Variants in LRRC34 observed in about 807,000 individuals in gnomAD.
The protein encoded by LRRC34 is leucine rich repeat containing 34, also known as leucine-rich repeat-containing protein 34.
A neutral mutation model predicts 48.5 loss-of-function variants in LRRC34; 44 were observed. That is an observed-to-expected ratio of 0.91 (90% CI 0.71 to 1.17). LRRC34 has a LOEUF of 1.17. LRRC34 is among the 50% of genes most tolerant of loss of function. The pLI, the probability that LRRC34 is intolerant of heterozygous loss-of-function variation, is 0.00. For synonymous variants in LRRC34, 192 were observed against 197.6 expected (o/e 0.97, Z 0.24); for missense variants, 502 against 563.0 (o/e 0.89, Z 1.10).
chr3:169,802,699 G>A lies in LRRC34; in HGVS notation c.657+1354C>T, dbSNP rs1005972806. Among the ~76,000 whole-genome samples the A allele has an allele frequency of 3.9e-5, 6 of 152,186 alleles. 1 individual carries two copies. The South Asian group carries it at 8.3e-4, about 21-fold the overall frequency. On this transcript the variant is annotated intron_variant, in intron 6 of 10. Coordinates refer to ENST00000446859, the MANE Select transcript of LRRC34 (RefSeq NM_001172779.2). ...CTTAAAAAGTTAATCTTGGCCAGGCGCTGTGGCTCACTCCTGTAATCCCAG... is the reference window on the plus strand; with the variant it reads ...CTTAAAAAGTTAATCTTGGCCAGGCACTGTGGCTCACTCCTGTAATCCCAG...
intron 1 of LRRC34, among the ~76,000 whole-genome samples, chr3:169,809,810 T>A (rs1779499684): frequency 6.6e-6 from 1 of 152,228 alleles, no homozygotes; most frequent in African/African-American, 2.4e-5. Context: ...CTCTGAAGAA[T>A]AATGAGTTTG....
rs1417735421 is a variant in LRRC34, at chr3:169,812,487, G to C, written c.62C>G (p.Ala21Gly). 1.3e-6 allele frequency: 2 copies of C among 1,528,252 alleles called. No homozygotes were observed. Among genetic ancestry groups the C allele is most frequent in the South Asian group, 2.4e-5 (2 of 83,422 alleles). The allele number at this position is 1,528,252 out of a possible 1,614,324, so 94.7% of individuals were successfully genotyped here. The change falls in exon 1 of 11, where the codon GCC becomes GGC. Residue 21 changes from alanine (A) to glycine (G), a missense_variant. By Grantham distance (60) the Ala-to-Gly change is moderately conservative. Transcript: ENST00000446859. The surrounding 1 kb of genome is among the most constrained non-coding windows in gnomAD (Gnocchi z 4.3). ...ERSMGSSREA[A>G]RAPARSPAWA... ...AGCCGGGGACCTGGCCGGCGCACGG[G>C]CGGCCTCCCGGGAGCTCCCCATGCT... is the stretch of plus-strand genomic sequence containing the variant.
intron 6 of LRRC34, among the ~76,000 whole-genome samples, chr3:169,803,244 C>T (rs774424688): frequency 6.6e-6 from 1 of 152,102 alleles, no homozygotes; most frequent in Non-Finnish European, 1.5e-5. Context: ...TACCATGTTG[C>T]CCATGCTGGA....
In LRRC34 at chr3:169,796,889, G is replaced by A. The variant is rs771955790; in HGVS notation, c.764C>T (p.Thr255Ile). ...PILYSEQEES[T>I]VHVGRMLKEN... ...TTTCAACATGCGGCCTACATGGACTGTAGACTCTTCCTAAAAGTGGATAAA... is the reference window on the plus strand; with the variant it reads ...TTTCAACATGCGGCCTACATGGACTATAGACTCTTCCTAAAAGTGGATAAA... The change falls in exon 8 of 11, where the codon ACA becomes ATA. Residue 255 changes from threonine (T) to isoleucine (I), a missense_variant. Thr to Ile is a moderately conservative substitution (Grantham distance 89, BLOSUM62 -1). Coordinates refer to ENST00000446859, the MANE Select transcript of LRRC34 (RefSeq NM_001172779.2). 1.2e-5 allele frequency: 19 copies of A among 1,566,358 alleles called. No individual in the cohort carries two copies. Among genetic ancestry groups the A allele is most frequent in the Non-Finnish European group, 1.6e-5 (19 of 1,156,934 alleles).
chr3:169,805,667 C>A (rs967892081), intron 5 of LRRC34, among the ~76,000 whole-genome samples: 1 of 151,986 alleles, frequency 6.6e-6, no homozygotes, highest in Non-Finnish European at 1.5e-5. Flanking sequence ...GGCAGATAAT[C>A]TGAGGTCGGG....
chr3:169,807,551 T>C, intron 3 of LRRC34, 37 bp downstream of exon 3: 1 of 1,612,540 alleles, frequency 6.2e-7, no homozygotes, highest in South Asian at 1.1e-5. Context: ...ATCAGATCAA[T>C]GAAAAGCAGG....
At chr3:169,810,655 G>GT (rs1367257361) in intron 1 of LRRC34, among the ~76,000 whole-genome samples, 7 of 152,190 alleles carry the variant, frequency 4.6e-5, no homozygotes, top group Admixed American at 4.6e-4. Flanking sequence ...TTATTATCAA[G>GT]TAAGTCTGAG....
intron 4 of LRRC34, 144 bp from the exon 5 acceptor site, chr3:169,807,075 A>G (rs933560247): frequency 4.1e-5 from 21 of 512,156 alleles, no homozygotes; most frequent in Non-Finnish European, 6.9e-5. Context: ...ACCAAGAAAA[A>G]CTGTATCCTA....
intron 7 of LRRC34, among the ~76,000 whole-genome samples, chr3:169,799,506 A>T (rs1779112750): frequency 6.6e-6 from 1 of 151,958 alleles, no homozygotes; most frequent in African/African-American, 2.4e-5. Flanking sequence ...ATACAAAAAA[A>T]TTTAGGTGGG....
intron 1 of LRRC34, among the ~76,000 whole-genome samples, chr3:169,811,873 CACAA>C (rs145788918): frequency 0.034 from 5,141 of 152,248 alleles, 276 homozygotes; most frequent in African/African-American, 0.12. Flanking sequence ...GTTCCGTATC[CACAA>C]ACAGACTTTA....
intron 6 of LRRC34, 106 bp downstream of exon 6, chr3:169,803,947 C>A: frequency 9.1e-7 from 1 of 1,100,556 alleles, no homozygotes; most frequent in South Asian, 2.5e-5. Context: ...CACCTTTTCT[C>A]TGATATTAGA....
chr3:169,810,081 C>A (rs559934962), intron 1 of LRRC34, among the ~76,000 whole-genome samples: 33 of 151,612 alleles, frequency 2.2e-4, no homozygotes, highest in African/African-American at 7.5e-4. Context: ...CTCAGCCTCC[C>A]GAGTAGCTGG....
chr3:169,810,986 T>A (rs1022769888), intron 1 of LRRC34, among the ~76,000 whole-genome samples: 1 of 152,150 alleles, frequency 6.6e-6, no homozygotes, highest in African/African-American at 2.4e-5. Context: ...ATCGCTTGAA[T>A]GCGGGAGGTG....
rs375504617 is a variant in LRRC34, at chr3:169,793,794, A to G, written c.1236T>C (p.Asn412=). The change falls in exon 11 of 11, where the codon AAT becomes AAC. Residue 412 remains asparagine, a synonymous_variant. Coordinates refer to ENST00000446859, the MANE Select transcript of LRRC34 (RefSeq NM_001172779.2). ...LIQMGCLKPD[N]TDVEPFVVDG... ...CTACCACAAATGGCTCCACATCTGT[A>G]TTGTCTGGTTTTAGACAACCCATTT... is the stretch of plus-strand genomic sequence containing the variant. The G allele has an allele frequency of 2.0e-4, 325 of 1,613,550 alleles. No individual in the cohort carries two copies. Among genetic ancestry groups the G allele is most frequent in the Non-Finnish European group, 2.6e-4 (306 of 1,179,860 alleles).
chr3:169,798,640 C>T (rs1252235253), intron 7 of LRRC34, among the ~76,000 whole-genome samples: 1 of 152,136 alleles, frequency 6.6e-6, no homozygotes, highest in Non-Finnish European at 1.5e-5. Context: ...AATAAGCATC[C>T]TCAGGTGGAT....
Position 169,812,575 on chromosome 3 carries a change from G to T in LRRC34, c.-27C>A. 1.4e-6 allele frequency: 2 copies of T among 1,453,534 alleles called. No homozygotes were observed. Among genetic ancestry groups the T allele is most frequent in the East Asian group, 5.4e-5 (2 of 36,932 alleles). 90.0% of individuals were successfully genotyped at this position (1,453,534 alleles called of 1,614,324 possible). ...GCGACCGCGCGCGCACTTACAGTCC[G>T]CCTGCAGCTGTGAGGCGGCTACACG... On this transcript the variant is annotated 5_prime_UTR_variant, in exon 1 of 11. Transcript: ENST00000446859. The surrounding 1 kb of genome is among the most constrained non-coding windows in gnomAD (Gnocchi z 4.3).
At chr3:169,796,131 A>C in intron 9 of LRRC34, 83 bp downstream of exon 9, 1 of 1,443,072 alleles carries the variant, frequency 6.9e-7, no homozygotes, top group African/African-American at 1.5e-5. Flanking sequence ...ATTTCATTAT[A>C]ATCTTAAGAG....
intron 10 of LRRC34, chr3:169,794,404 A>C (rs1211940766): frequency 1.3e-5 from 2 of 151,538 alleles, no homozygotes; most frequent in Non-Finnish European, 2.9e-5. Context: ...TCTTCATTGT[A>C]GAATTTTTAT....
chr3:169,812,351 G>A lies in LRRC34; in HGVS notation c.139+59C>T, dbSNP rs1202738604. 6 of 1,468,166 alleles carry A rather than the reference G, an allele frequency of 4.1e-6. No individual in the cohort carries two copies. The highest frequency in any genetic ancestry group is 2.9e-5 in the African/African-American group (2 of 68,330). 90.9% of individuals were successfully genotyped at this position (1,468,166 alleles called of 1,614,324 possible). A position where few individuals can be genotyped will look rare whatever the true frequency, so the allele number is the denominator to read the frequency against. ...GGGAGGACTCCTGCCGTGCGACCCC[G>A]GCGCCCCTCGCGCGTTTTGTCTGGG... On this transcript the variant is annotated intron_variant, in intron 1 of 10. Coordinates refer to ENST00000446859, the MANE Select transcript of LRRC34 (RefSeq NM_001172779.2). The surrounding 1 kb of genome is among the most constrained non-coding windows in gnomAD (Gnocchi z 4.3).
Sources: allele counts gnomAD v4.1 joint callset (sites outside exome capture counted in the v4.1 genomes callset), GRCh38; gene constraint gnomAD v4.1.1; non-coding constraint Gnocchi (gnomAD v3.1); transcripts MANE v1.5; gene names NCBI Gene and HGNC (gene_info 2026-07-23, HGNC 2026-07-21).